The following COL9A1 variants were observed in gnomAD, a reference collection of about 807,000 sequenced individuals.
COL9A1 encodes the protein collagen type IX alpha 1 chain, also known as collagen alpha-1(IX) chain.
COL9A1 carries 104 observed loss-of-function variants against 142.6 expected under a neutral mutation model. That is an observed-to-expected ratio of 0.73 (90% CI 0.62 to 0.86). The LOEUF is 0.86. Ranked by LOEUF, COL9A1 falls within the 40% of genes least tolerant of loss-of-function variation. The pLI, the probability that COL9A1 is intolerant of heterozygous loss-of-function variation, is 0.00. For missense variants in COL9A1, 1,210 were observed against 1,176.6 expected (o/e 1.03, Z -0.42); for synonymous variants, 466 against 396.0 (o/e 1.18, Z -2.10).
At chr6:70,284,749 G>A (rs1388755957) in intron 5 of COL9A1, among the ~76,000 whole-genome samples, 1 of 152,166 alleles carries the variant, frequency 6.6e-6, no homozygotes. Flanking sequence ...ATTTCAAATT[G>A]GATCCATATT....
intron 15 of COL9A1, 26 bp downstream of exon 15, chr6:70,270,288 A>G: frequency 6.2e-7 from 1 of 1,610,116 alleles, no homozygotes. Context: ...AGACACAAAC[A>G]GAAATTCAAG....
At chr6:70,278,994 T>C (rs1404585876) in intron 10 of COL9A1, among the ~76,000 whole-genome samples, 1 of 152,164 alleles carries the variant, frequency 6.6e-6, no homozygotes, top group Non-Finnish European at 1.5e-5. Context: ...TGCAGTTTAA[T>C]TAATAGCAAG....
intron 12 of COL9A1, 152 bp from the exon 13 acceptor site, chr6:70,272,240 C>A (rs759379719): frequency 1.6e-6 from 1 of 621,150 alleles, no homozygotes; most frequent in South Asian, 2.4e-5. Flanking sequence ...AAAGCAAACA[C>A]GGCTCTGCTT....
chr6:70,220,523 A>G (rs991651471), intron 37 of COL9A1, among the ~76,000 whole-genome samples: 33 of 151,980 alleles, frequency 2.2e-4, no homozygotes, highest in Non-Finnish European at 1.0e-4. Context: ...ATCATAAGAA[A>G]CTAAGATATT....
At chr6:70,260,847 T>G (rs1002168754) in intron 19 of COL9A1, 137 bp from the exon 20 acceptor site, 2 of 697,684 alleles carry the variant, frequency 2.9e-6, no homozygotes, top group East Asian at 5.9e-5. Context: ...TATATATATA[T>G]AGACAAACAT....
intron 10 of COL9A1, chr6:70,279,973 TACTTC>T (rs1212652849): frequency 4.4e-6 from 3 of 689,228 alleles, no homozygotes; most frequent in Non-Finnish European, 8.1e-6. Flanking sequence ...CGCCATTTCT[TACTTC>T]ACTTCATATT....
intron 4 of COL9A1, among the ~76,000 whole-genome samples, chr6:70,295,351 ATCTCAGC>A (rs1441277619): frequency 1.6e-5 from 2 of 125,920 alleles, no homozygotes; most frequent in African/African-American, 6.2e-5. Context: ...CAATGGCGCC[ATCTCAGC>A]TCACTGCAAC....
chr6:70,267,353 G>A lies in COL9A1; in HGVS notation c.1288-583C>T, dbSNP rs139733926. 8.3e-3 allele frequency among the ~76,000 whole-genome samples: 949 copies of A among 114,980 alleles called. 17 individuals carry two copies. Among genetic ancestry groups the A allele is most frequent in the African/African-American group, 0.029 (862 of 29,606 alleles). The allele number at this position is 114,980 out of a possible 152,430, so 75.4% of individuals were successfully genotyped here. ...TTTTTTTTTTTTGAGATGGAGCTTC[G>A]CTCTTGTTGCTCAGGCTGGAGTGCA... On this transcript the variant is annotated intron_variant, in intron 17 of 37. Coordinates refer to ENST00000357250, the MANE Select transcript of COL9A1 (RefSeq NM_001851.6).
At chr6:70,262,905 CATT>C (rs1771780393) in intron 19 of COL9A1, among the ~76,000 whole-genome samples, 1 of 152,160 alleles carries the variant, frequency 6.6e-6, no homozygotes, top group Non-Finnish European at 1.5e-5. Flanking sequence ...AAAATTTTCT[CATT>C]ATATCATGTG....
At chr6:70,242,180 CTT>C in intron 29 of COL9A1, 145 bp from the exon 30 acceptor site, 2 of 732,698 alleles carry the variant, frequency 2.7e-6, no homozygotes, top group South Asian at 1.5e-5. Context: ...GTTTGCCTCT[CTT>C]TCATATTCTC....
intron 4 of COL9A1, among the ~76,000 whole-genome samples, chr6:70,296,290 A>G (rs1773847372): frequency 6.6e-6 from 1 of 152,096 alleles, no homozygotes; most frequent in African/African-American, 2.4e-5. Flanking sequence ...TATTTAGGGT[A>G]TGGGATGAAT....
At chr6:70,261,671 A>G (rs1213592170) in intron 19 of COL9A1, among the ~76,000 whole-genome samples, 2 of 152,242 alleles carry the variant, frequency 1.3e-5, no homozygotes, top group Non-Finnish European at 2.9e-5. Flanking sequence ...AGGATGATCC[A>G]GTTTAGGATA....
At position 70,255,286 on chromosome 6, in the gene COL9A1, G is replaced by A. The variant is rs185299640; in HGVS notation, c.1557+51C>T. On this transcript the variant is annotated intron_variant, in intron 22 of 37. Transcript: ENST00000357250. ...CTTGTCAAAGAGATCAGCATAATCA[G>A]CAGATGACACTGAAAAGCAGGAGGC... 1.3e-3 allele frequency: 2,024 copies of A among 1,609,144 alleles called. 4 individuals carry two copies. Among genetic ancestry groups the A allele is most frequent in the Non-Finnish European group, 1.5e-3 (1,789 of 1,175,444 alleles).
chr6:70,280,411 G>A, intron 10 of COL9A1: 2 of 1,187,738 alleles, frequency 1.7e-6, no homozygotes, highest in Non-Finnish European at 2.1e-6. Context: ...GAGCAAGGGC[G>A]AAGGCTAGCT....
At chr6:70,240,128 A>G (rs1390036281) in intron 32 of COL9A1, among the ~76,000 whole-genome samples, 3 of 152,148 alleles carry the variant, frequency 2.0e-5, no homozygotes, top group Non-Finnish European at 4.4e-5. Context: ...GAGCCTGCAA[A>G]CCAAGCAGCT....
chr6:70,238,993 G>C (rs576782899), intron 33 of COL9A1, among the ~76,000 whole-genome samples: 1 of 152,130 alleles, frequency 6.6e-6, no homozygotes, highest in Non-Finnish European at 1.5e-5. Context: ...ACAAAAATTA[G>C]CCGGGCATGG....
rs1768532405 is a variant in COL9A1, at chr6:70,216,783, A to ACAT, written c.*111_*113dup. 9.6e-7 allele frequency: 1 copy of ACAT among 1,046,532 alleles called. No individual in the cohort carries two copies. The allele number at this position is 1,046,532 out of a possible 1,614,324, so 64.8% of individuals were successfully genotyped here. ...CTTCTGTAATCATACTGAAGGTAATACATTGTAATCATGCTGAAGGTAATC... is the reference window on the plus strand; with the variant it reads ...CTTCTGTAATCATACTGAAGGTAATACATCATTGTAATCATGCTGAAGGTAATC... On this transcript the variant is annotated 3_prime_UTR_variant, in exon 38 of 38. Coordinates refer to ENST00000357250, the MANE Select transcript of COL9A1 (RefSeq NM_001851.6).
chr6:70,270,920 T>C (rs1772357356), intron 14 of COL9A1, among the ~76,000 whole-genome samples: 1 of 152,198 alleles, frequency 6.6e-6, no homozygotes, highest in Non-Finnish European at 1.5e-5. Flanking sequence ...CAGATGAAAA[T>C]GGGTTCCAAT....
At chr6:70,274,208 CTTTTA>C in intron 11 of COL9A1, 126 bp from the exon 12 acceptor site, 1 of 643,028 alleles carries the variant, frequency 1.6e-6, no homozygotes, top group Non-Finnish European at 2.5e-6. Flanking sequence ...AAATTTCCAA[CTTTTA>C]TTTTAAGTTC....
Sources: allele counts gnomAD v4.1 joint callset (sites outside exome capture counted in the v4.1 genomes callset), GRCh38; gene constraint gnomAD v4.1.1; transcripts MANE v1.5; gene names NCBI Gene and HGNC (gene_info 2026-07-23, HGNC 2026-07-21).